Variants in GRM8 observed in about 807,000 individuals in gnomAD.
GRM8 encodes glutamate metabotropic receptor 8, also known as metabotropic glutamate receptor 8.
A neutral mutation model predicts 87.2 loss-of-function variants in GRM8; 47 were observed. The ratio of observed to expected loss-of-function variants is 0.54; its 90% CI spans 0.43 to 0.69. The LOEUF is 0.69. GRM8 is among the 30% of genes least tolerant of loss of function. The pLI is 0.00. For synonymous variants in GRM8, 396 were observed against 404.5 expected, an observed-to-expected ratio of 0.98 and a Z score of 0.25; for missense variants, 1,019 against 1,139.2, an observed-to-expected ratio of 0.89 and a Z score of 1.52.
intron 7 of GRM8, among the ~76,000 whole-genome samples, chr7:126,612,235 T>C (rs1395299549): frequency 3.9e-5 from 6 of 152,240 alleles, no homozygotes; most frequent in Non-Finnish European, 7.3e-5. Context: ...AGCCACTGTC[T>C]ATATGAGAAC....
intron 2 of GRM8, among the ~76,000 whole-genome samples, chr7:127,165,804 T>C (rs944270902): frequency 1.3e-5 from 2 of 152,178 alleles, no homozygotes; most frequent in Non-Finnish European, 2.9e-5. Context: ...CTCCCTCTTC[T>C]TTATTCTCTT....
chr7:127,061,722 G>A (rs1271752562), intron 3 of GRM8, among the ~76,000 whole-genome samples: 1 of 152,106 alleles, frequency 6.6e-6, no homozygotes, highest in East Asian at 1.9e-4. Flanking sequence ...ACTGATGACA[G>A]GACTTTATTA....
chr7:126,465,649 A>G (rs867463057), intron 9 of GRM8, among the ~76,000 whole-genome samples: 87 of 151,800 alleles, frequency 5.7e-4, no homozygotes, highest in Middle Eastern at 3.4e-3. Context: ...GTAATTTTGT[A>G]TATTGATCTT....
chr7:127,047,849 T>C (rs1462230416), intron 3 of GRM8, among the ~76,000 whole-genome samples: 1 of 152,008 alleles, frequency 6.6e-6, no homozygotes, highest in Non-Finnish European at 1.5e-5. Flanking sequence ...AAATAAAAAA[T>C]AAAAAAGCAA....
Position 126,616,741 on chromosome 7 carries a change from TAA to T in GRM8, c.1358-7245_1358-7244del, listed in dbSNP as rs534989456. Among the ~76,000 whole-genome samples the T allele has an allele frequency of 9.6e-4, 146 of 152,226 alleles. 1 individual carries two copies. The highest frequency in any genetic ancestry group is 3.4e-3 in the African/African-American group (140 of 41,544). ...TACAAACTACCATCAGAGAATACTA[TAA>T]ACACCACTGCGGAAATAAACTAGAA... On this transcript the variant is annotated intron_variant, in intron 7 of 10. Transcript: ENST00000339582.
intron 6 of GRM8, among the ~76,000 whole-genome samples, chr7:126,787,760 T>C (rs896020147): frequency 1.3e-5 from 2 of 152,172 alleles, no homozygotes; most frequent in Non-Finnish European, 2.9e-5. Flanking sequence ...GATATCTTTT[T>C]TTTATTTCTA....
rs760314333 is a variant in GRM8 at position 126,533,229 on chromosome 7, G to A, written c.2153C>T (p.Pro718Leu). 1 of 1,613,214 alleles carries A rather than the reference G, an allele frequency of 6.2e-7. No individual in the cohort carries two copies. Among genetic ancestry groups the A allele is most frequent in the Non-Finnish European group, 8.5e-7 (1 of 1,179,834 alleles). The stretch of plus-strand genomic sequence containing the variant: ...TCCATAGTCAATGATGATGTGGGGG[G>A]GATCCACAACAAACCAGACAAACAC... ...LGVFVWFVVD[P>L]PHIIIDYGEQ... Residue 718 changes from proline to leucine, a missense_variant, in exon 9 of 11, where the codon CCC (proline) becomes CTC (leucine). Pro to Leu is a moderately conservative substitution (Grantham distance 98). Coordinates refer to ENST00000339582, the MANE Select transcript of GRM8 (RefSeq NM_000845.3).
intron 7 of GRM8, among the ~76,000 whole-genome samples, chr7:126,718,194 G>A (rs780854393): frequency 3.3e-5 from 5 of 152,010 alleles, no homozygotes; most frequent in Non-Finnish European, 7.4e-5. Flanking sequence ...CCGAGATCAC[G>A]CCACTGCACT....
At chr7:126,567,088 G>A (rs922806172) in intron 8 of GRM8, among the ~76,000 whole-genome samples, 3 of 152,072 alleles carry the variant, frequency 2.0e-5, no homozygotes, top group Admixed American at 6.6e-5. Flanking sequence ...GGGAATGGGG[G>A]CAGGAATAAA....
intron 8 of GRM8, among the ~76,000 whole-genome samples, chr7:126,543,027 T>G (rs1816725624): frequency 6.6e-6 from 1 of 152,144 alleles, no homozygotes; most frequent in Non-Finnish European, 1.5e-5. Flanking sequence ...TCCTTAGTGT[T>G]TCACTTCTTT....
intron 3 of GRM8, among the ~76,000 whole-genome samples, chr7:126,925,421 A>G (rs987914402): frequency 6.6e-6 from 1 of 152,228 alleles, no homozygotes; most frequent in African/African-American, 2.4e-5. Flanking sequence ...TCTGTGGGAA[A>G]GCTGAAGATC....
chr7:126,988,071 G>A (rs552594686), intron 3 of GRM8, among the ~76,000 whole-genome samples: 23 of 131,318 alleles, frequency 1.8e-4, no homozygotes, highest in African/African-American at 5.8e-4. Flanking sequence ...AAAGCTCTTC[G>A]TTTAAAAAAA....
intron 3 of GRM8, among the ~76,000 whole-genome samples, chr7:126,921,665 C>T (rs1363533094): frequency 6.6e-6 from 1 of 151,738 alleles, no homozygotes; most frequent in Non-Finnish European, 1.5e-5. Flanking sequence ...TGGAGCAATG[C>T]CTTCAAAATT....
At chr7:127,112,622 A>G (rs1587055662) in intron 2 of GRM8, among the ~76,000 whole-genome samples, 1 of 152,202 alleles carries the variant, frequency 6.6e-6, no homozygotes. Flanking sequence ...CCCATTTCCA[A>G]TATTCTCTTT....
intron 8 of GRM8, among the ~76,000 whole-genome samples, chr7:126,550,217 C>T (rs62479316): frequency 0.013 from 2,038 of 151,948 alleles, 13 homozygotes; most frequent in Non-Finnish European, 0.023. Flanking sequence ...CGGGTTCAAG[C>T]AATTCTCCTG....
chr7:127,100,785 G>T (rs1017169748), intron 3 of GRM8, among the ~76,000 whole-genome samples: 1 of 152,112 alleles, frequency 6.6e-6, no homozygotes, highest in African/African-American at 2.4e-5. Context: ...GACACACGGG[G>T]ATTATTATAA....
At chr7:126,492,971 C>T (rs1808212223) in intron 9 of GRM8, among the ~76,000 whole-genome samples, 2 of 152,006 alleles carry the variant, frequency 1.3e-5, no homozygotes, top group Admixed American at 6.6e-5. Context: ...GGCACCAGCA[C>T]ATGTGCGAAG....
In GRM8 at chr7:127,054,777, T is replaced by C. The variant is rs111512057; in HGVS notation, c.727+51719A>G. Among the ~76,000 whole-genome samples the C allele has an allele frequency of 3.1e-3, 477 of 152,126 alleles. 4 individuals are homozygous for C. The highest frequency in any genetic ancestry group is 0.011 in the African/African-American group (458 of 41,510). On this transcript the variant is annotated intron_variant, in intron 3 of 10. Transcript: ENST00000339582. ...AAGACAAAAACACTGAGTGGGATAA[T>C]AAATAGGTTGTATAAACCAAAATAG... is the stretch of plus-strand genomic sequence containing the variant.
rs559469877 is a variant in GRM8 at position 126,939,915 on chromosome 7, G to A, written c.728-35232C>T. ...GGCTAAGTGATAATTACAGCAATGT[G>A]TGTCATCCAGTATCCTCCAAAACTT... On this transcript the variant is annotated intron_variant, in intron 3 of 10. Transcript: ENST00000339582. Among the ~76,000 whole-genome samples, 4 of 152,290 alleles carry A rather than the reference G, an allele frequency of 2.6e-5. No homozygotes were observed. The East Asian group carries it at 7.7e-4, about 29-fold the overall frequency.
Sources: allele counts gnomAD v4.1 joint callset (sites outside exome capture counted in the v4.1 genomes callset), GRCh38; gene constraint gnomAD v4.1.1; transcripts MANE v1.5; gene names NCBI Gene and HGNC (gene_info 2026-07-23, HGNC 2026-07-21).